The following RORA variants were observed in gnomAD, a reference collection of about 807,000 sequenced individuals.
RORA encodes the protein nuclear receptor ROR-alpha.
A neutral mutation model predicts 69.5 loss-of-function variants in RORA; 7 were observed. That is an observed-to-expected ratio of 0.10 (90% confidence interval 0.06 to 0.19). The LOEUF is 0.19. RORA is among the 10% of genes least tolerant of loss of function. The probability of loss-of-function intolerance (pLI) is 1.00; values close to 1 mark genes in which losing one functional copy is unlikely to be tolerated. For synonymous variants in RORA, 261 were observed against 240.8 expected, an observed-to-expected ratio of 1.08 and a Z score of -0.78; for missense variants, 457 against 663.0, an observed-to-expected ratio of 0.69 and a Z score of 3.41.
intron 1 of RORA, among the ~76,000 whole-genome samples, chr15:61,103,250 C>T (rs1200800949): frequency 6.6e-6 from 1 of 152,144 alleles, no homozygotes; most frequent in Non-Finnish European, 1.5e-5. Context: ...GGGCTGTGAG[C>T]ATCAGCAGGC....
intron 1 of RORA, among the ~76,000 whole-genome samples, chr15:60,928,697 C>T (rs927492237): frequency 1.4e-4 from 22 of 152,124 alleles, no homozygotes; most frequent in Admixed American, 1.4e-3. Context: ...ACAAAGTGAC[C>T]GCCCTAAAGT....
rs547081749 is a variant in RORA at position 60,713,377 on chromosome 15, A to G, written c.167-34691T>C. 5.3e-5 allele frequency among the ~76,000 whole-genome samples: 8 copies of G among 152,238 alleles called. No individual in the cohort carries two copies. The East Asian group carries it at 1.5e-3, about 29-fold the overall frequency. Reference sequence around the variant, plus strand: ...GGCGCCTTTTATCAGTTTGGCAAAAAGACAAAGGGAATGTTTAATTCTGTA... The same window carrying G: ...GGCGCCTTTTATCAGTTTGGCAAAAGGACAAAGGGAATGTTTAATTCTGTA... On this transcript the variant is annotated intron_variant, in intron 1 of 10. Transcript: ENST00000335670.
At chr15:60,766,381 C>T (rs1842708) in intron 1 of RORA, among the ~76,000 whole-genome samples, 2 of 151,352 alleles carry the variant, frequency 1.3e-5, no homozygotes, top group South Asian at 4.2e-4. Context: ...ATTTAAAAAG[C>T]CTTCGACAGA....
chr15:61,176,696 A>T (rs1478448334), intron 1 of RORA, among the ~76,000 whole-genome samples: 2 of 152,198 alleles, frequency 1.3e-5, no homozygotes, highest in African/African-American at 4.8e-5. Flanking sequence ...TTCTTCAACT[A>T]TAAAATGGGA....
In RORA at chr15:60,488,624, G is replaced by C. The variant is rs775384684; in HGVS notation, c.*8831C>G. The stretch of plus-strand genomic sequence containing the variant: ...AAAAGTTGGACGATCCTCTAATAAA[G>C]ATCATTAGCAAAGTTTTAGTTCAAT... On this transcript the variant is annotated 3_prime_UTR_variant, in exon 11 of 11. Coordinates refer to ENST00000335670, the MANE Select transcript of RORA (RefSeq NM_134261.3). The C allele has an allele frequency of 6.6e-6, 1 of 152,134 alleles. No individual in the cohort carries two copies. Among genetic ancestry groups the C allele is most frequent in the Non-Finnish European group, 1.5e-5 (1 of 68,026 alleles). 9.4% of individuals were successfully genotyped at this position (152,134 alleles called of 1,614,324 possible).
chr15:60,957,627 T>G (rs957386601), intron 1 of RORA, among the ~76,000 whole-genome samples: 1 of 152,188 alleles, frequency 6.6e-6, no homozygotes, highest in African/African-American at 2.4e-5. Context: ...GAGGCAGAGA[T>G]GCACATATAC....
intron 2 of RORA, among the ~76,000 whole-genome samples, chr15:60,606,810 A>G (rs185787075): frequency 6.3e-4 from 88 of 139,000 alleles, no homozygotes; most frequent in Admixed American, 4.5e-3. Flanking sequence ...TCAATCAGAC[A>G]TCTCTCACAT....
chr15:60,697,564 C>CT (rs577116893), intron 1 of RORA, among the ~76,000 whole-genome samples: 2,673 of 144,594 alleles, frequency 0.018, 44 homozygotes, highest in African/African-American at 0.045. Flanking sequence ...TTCAAGTCTA[C>CT]TTTTTTTTTT....
chr15:60,705,063 T>A (rs2140798840), intron 1 of RORA, among the ~76,000 whole-genome samples: 1 of 152,266 alleles, frequency 6.6e-6, no homozygotes. Flanking sequence ...AAAATTTTGC[T>A]TTGTGTTTTG....
Position 60,493,446 on chromosome 15 carries a change from A to C in RORA, c.*4009T>G, listed in dbSNP as rs899179113. On this transcript the variant is annotated 3_prime_UTR_variant, in exon 11 of 11. Transcript: ENST00000335670. ...ATGTGCAAAAAAGCAACAATGAGAG[A>C]AGCTTACATACTACTTAAACCTTTT... 6.6e-6 allele frequency: 1 copy of C among 152,224 alleles called. No homozygotes were observed. The allele number at this position is 152,224 out of a possible 1,614,324, so 9.4% of individuals were successfully genotyped here.
chr15:60,963,595 T>A (rs1004400226), intron 1 of RORA, among the ~76,000 whole-genome samples: 2 of 152,228 alleles, frequency 1.3e-5, no homozygotes, highest in African/African-American at 4.8e-5. Flanking sequence ...TTTGTGAGGT[T>A]TCCCTTGCAT....
At chr15:60,707,334 TTTTA>T (rs35301219) in intron 1 of RORA, among the ~76,000 whole-genome samples, 20,563 of 135,966 alleles carry the variant, frequency 0.15, 1,714 homozygotes, top group African/African-American at 0.23. Flanking sequence ...TATTTCTTTA[TTTTA>T]TTTATTTATT....
chr15:60,815,922 GTATA>G (rs902248245), intron 1 of RORA, among the ~76,000 whole-genome samples: 4 of 129,124 alleles, frequency 3.1e-5, no homozygotes, highest in Admixed American at 8.2e-5. Flanking sequence ...AAACTATAGT[GTATA>G]TATACTATAA....
chr15:61,225,731 T>C (rs1248951398), intron 1 of RORA, among the ~76,000 whole-genome samples: 1 of 152,198 alleles, frequency 6.6e-6, no homozygotes, highest in Non-Finnish European at 1.5e-5. Flanking sequence ...CAAGCACATA[T>C]AATAACGAGA....
intron 1 of RORA, among the ~76,000 whole-genome samples, chr15:60,845,421 T>A (rs1460549385): frequency 6.6e-6 from 1 of 152,178 alleles, no homozygotes; most frequent in African/African-American, 2.4e-5. Context: ...GTTTCCCCCA[T>A]CAGTTTTCAA....
chr15:61,013,271 T>A (rs72625741), intron 1 of RORA, among the ~76,000 whole-genome samples: 3 of 152,200 alleles, frequency 2.0e-5, no homozygotes, highest in Non-Finnish European at 2.9e-5. Context: ...TAGAGTTTTA[T>A]TGGATCACAG....
At chr15:60,559,940 C>A (rs2067483540) in intron 2 of RORA, among the ~76,000 whole-genome samples, 1 of 152,146 alleles carries the variant, frequency 6.6e-6, no homozygotes, top group Non-Finnish European at 1.5e-5. Context: ...TTATTCTTGA[C>A]TGCCATAGCC....
At chr15:60,784,240 G>C (rs181478904) in intron 1 of RORA, among the ~76,000 whole-genome samples, 1 of 152,102 alleles carries the variant, frequency 6.6e-6, no homozygotes, top group South Asian at 2.1e-4. Context: ...GAGTTATTTT[G>C]TTGTTGTTGT....
chr15:61,004,290 G>GAC (rs1444594881), intron 1 of RORA, among the ~76,000 whole-genome samples: 5 of 151,860 alleles, frequency 3.3e-5, no homozygotes, highest in Non-Finnish European at 7.4e-5. Context: ...GAAAGAGAGA[G>GAC]AGACAGACTA....
Sources: gnomAD v4.1 joint callset for allele counts (sites outside exome capture counted in the v4.1 genomes callset) on GRCh38, gnomAD v4.1.1 for gene constraint, MANE v1.5 for transcripts, NCBI Gene and HGNC (gene_info 2026-07-23, HGNC 2026-07-21) for gene names.